Variants in PPM1L observed in about 807,000 individuals in gnomAD.
The protein encoded by PPM1L is protein phosphatase, Mg2+/Mn2+ dependent 1L.
A neutral mutation model predicts 31.4 loss-of-function variants in PPM1L; 13 were observed. The ratio of observed to expected loss-of-function variants is 0.41; its 90% CI spans 0.27 to 0.66. The LOEUF (loss-of-function observed/expected upper bound fraction) is 0.66. Among genes scored for constraint, PPM1L ranks in the 30% least tolerant of loss-of-function variants. The pLI, the probability that PPM1L is intolerant of heterozygous loss-of-function variation, is 0.29. For missense variants in PPM1L, 326 were observed against 453.7 expected (o/e 0.72, Z 2.56); for synonymous variants, 184 against 175.4 (o/e 1.05, Z -0.39).
intron 1 of PPM1L, among the ~76,000 whole-genome samples, chr3:160,854,179 G>T (rs1384913958): frequency 2.0e-5 from 3 of 152,156 alleles, no homozygotes; most frequent in Non-Finnish European, 2.9e-5. Context: ...ATGTGGTTCA[G>T]TTTGTTTTAC....
intron 2 of PPM1L, among the ~76,000 whole-genome samples, chr3:161,011,882 T>A (rs1717906684): frequency 6.6e-6 from 1 of 152,216 alleles, no homozygotes. Flanking sequence ...CCTGAGAACT[T>A]GCTGAAGTTG....
chr3:160,840,719 GGAGA>G (rs137953325), intron 1 of PPM1L, among the ~76,000 whole-genome samples: 26 of 143,964 alleles, frequency 1.8e-4, no homozygotes, highest in South Asian at 4.4e-4. Flanking sequence ...TATCTCCAGG[GGAGA>G]GAGAGAGAGA....
intron 1 of PPM1L, among the ~76,000 whole-genome samples, chr3:160,810,688 G>A (rs1712778562): frequency 6.6e-6 from 1 of 152,202 alleles, no homozygotes; most frequent in South Asian, 2.1e-4. Flanking sequence ...CGGATGACCT[G>A]CCAGCAAATC....
chr3:160,944,693 A>C (rs1488910952), intron 1 of PPM1L, among the ~76,000 whole-genome samples: 1 of 134,748 alleles, frequency 7.4e-6, no homozygotes, highest in South Asian at 2.2e-4. Context: ...GCAAGCTAAA[A>C]AATTAATTTT....
chr3:160,757,650 C>G (rs754820999), intron 1 of PPM1L, among the ~76,000 whole-genome samples: 1 of 152,252 alleles, frequency 6.6e-6, no homozygotes, highest in African/African-American at 2.4e-5. Context: ...GCGCCATGCT[C>G]CAAAGAACAC....
At chr3:160,773,408 G>A (rs1435610902) in intron 1 of PPM1L, among the ~76,000 whole-genome samples, 1 of 152,202 alleles carries the variant, frequency 6.6e-6, no homozygotes, top group Non-Finnish European at 1.5e-5. Context: ...AGGGAAAGGG[G>A]TGATTGGCCT....
At chr3:160,812,457 G>T (rs796225756) in intron 1 of PPM1L, among the ~76,000 whole-genome samples, 2 of 152,174 alleles carry the variant, frequency 1.3e-5, no homozygotes, top group South Asian at 2.1e-4. Flanking sequence ...GGCTGAGAAC[G>T]TCTAGGTACT....
intron 2 of PPM1L, among the ~76,000 whole-genome samples, chr3:161,021,374 G>A (rs750817859): frequency 1.1e-4 from 16 of 151,646 alleles, no homozygotes; most frequent in Admixed American, 5.9e-4. Flanking sequence ...AATTTCATTC[G>A]TTTGTGGTCA....
intron 1 of PPM1L, among the ~76,000 whole-genome samples, chr3:160,837,361 G>A (rs927955849): frequency 2.5e-4 from 38 of 152,190 alleles, no homozygotes; most frequent in African/African-American, 9.2e-4. Context: ...TATAAGCCAT[G>A]TGGGTAATAA....
At chr3:160,815,500 A>G (rs530060191) in intron 1 of PPM1L, among the ~76,000 whole-genome samples, 1 of 152,276 alleles carries the variant, frequency 6.6e-6, no homozygotes, top group South Asian at 2.1e-4. Flanking sequence ...GGTACTTATT[A>G]GCATATTAAA....
At chr3:160,786,684 T>G (rs1339639580) in intron 1 of PPM1L, among the ~76,000 whole-genome samples, 1 of 151,978 alleles carries the variant, frequency 6.6e-6, no homozygotes, top group Non-Finnish European at 1.5e-5. Context: ...GTATGGATTA[T>G]TCCATCACCC....
chr3:161,067,752 G>A (rs1048516456), intron 3 of PPM1L, among the ~76,000 whole-genome samples: 2 of 152,144 alleles, frequency 1.3e-5, no homozygotes, highest in African/African-American at 4.8e-5. Context: ...TTGCCTACTA[G>A]ACCATGCTTC....
At chr3:160,956,578 A>G (rs1362102177) in intron 1 of PPM1L, among the ~76,000 whole-genome samples, 1 of 152,238 alleles carries the variant, frequency 6.6e-6, no homozygotes, top group African/African-American at 2.4e-5. Flanking sequence ...CAAATGCAGA[A>G]ATAAAGGCAA....
At chr3:160,900,080 T>C (rs974805203) in intron 1 of PPM1L, among the ~76,000 whole-genome samples, 2 of 152,164 alleles carry the variant, frequency 1.3e-5, no homozygotes, top group Non-Finnish European at 2.9e-5. Context: ...TTATACCTAT[T>C]ATCAATATAA....
At chr3:161,041,138 T>C (rs1718893058) in intron 2 of PPM1L, among the ~76,000 whole-genome samples, 1 of 152,228 alleles carries the variant, frequency 6.6e-6, no homozygotes, top group Non-Finnish European at 1.5e-5. Flanking sequence ...GGACATTTTC[T>C]TTCTGTCAAC....
intron 2 of PPM1L, among the ~76,000 whole-genome samples, chr3:161,052,093 G>A (rs187717580): frequency 6.6e-6 from 1 of 152,290 alleles, no homozygotes; most frequent in East Asian, 1.9e-4. Context: ...CTCACTCAAT[G>A]GGAGGCCAGC....
At chr3:160,807,036 G>T (rs1220073998) in intron 1 of PPM1L, among the ~76,000 whole-genome samples, 5 of 152,224 alleles carry the variant, frequency 3.3e-5, no homozygotes, top group East Asian at 3.8e-4. Context: ...AATCTCTGAA[G>T]ATGGGGCCGA....
chr3:160,775,586 T>G (rs1711542142), intron 1 of PPM1L, among the ~76,000 whole-genome samples: 1 of 152,214 alleles, frequency 6.6e-6, no homozygotes, highest in African/African-American at 2.4e-5. Flanking sequence ...TTCATCAGTT[T>G]GACAGGTAAC....
At chr3:161,017,521 G>A (rs553446745) in intron 2 of PPM1L, among the ~76,000 whole-genome samples, 2 of 152,236 alleles carry the variant, frequency 1.3e-5, no homozygotes, top group African/African-American at 4.8e-5. Flanking sequence ...AGGGTCCACA[G>A]TGTTCTATTT....
Sources: allele counts gnomAD v4.1 joint callset (sites outside exome capture counted in the v4.1 genomes callset), GRCh38; gene constraint gnomAD v4.1.1; transcripts MANE v1.5; gene names NCBI Gene and HGNC (gene_info 2026-07-23, HGNC 2026-07-21).